The following PHKB variants were observed in gnomAD, a reference collection of about 807,000 sequenced individuals.
PHKB encodes the protein phosphorylase kinase regulatory subunit beta, also known as phosphorylase b kinase regulatory subunit beta.
In PHKB, 122 loss-of-function variants were observed where a neutral mutation model predicts 152.1. The observed-to-expected ratio is 0.80, with a 90% confidence interval of 0.69 to 0.93. The LOEUF (loss-of-function observed/expected upper bound fraction) is 0.93. Among genes scored for constraint, PHKB ranks in the 40% least tolerant of loss-of-function variants. The pLI is 0.00. For synonymous variants in PHKB, 436 were observed against 464.9 expected (o/e 0.94, Z 0.80); for missense variants, 1,304 against 1,328.4 (o/e 0.98, Z 0.29).
chr16:47,481,076 G>A (rs1195650194), intron 1 of PHKB, among the ~76,000 whole-genome samples: 2 of 152,044 alleles, frequency 1.3e-5, no homozygotes, highest in African/African-American at 4.8e-5. Context: ...TGAGATATTT[G>A]GTTCCTCTCC....
Position 47,677,058 on chromosome 16 carries a change from A to G in PHKB, c.2630+7641A>G, listed in dbSNP as rs866037507. On this transcript the variant is annotated intron_variant, in intron 26 of 30. Coordinates refer to ENST00000323584, the MANE Select transcript of PHKB (RefSeq NM_000293.3). ...AAGCTTAGAGAGAGCCATTGTTGTC[A>G]TAGATAGCAGACTATAACATTGCTT... is the stretch of plus-strand genomic sequence containing the variant. Among the ~76,000 whole-genome samples the G allele has an allele frequency of 1.1e-4, 17 of 152,352 alleles. No homozygotes were observed. In the South Asian group the frequency reaches 2.1e-3, roughly 19 times the overall value.
At position 47,596,395 on chromosome 16, in the gene PHKB, C is replaced by A; in HGVS notation, c.1227C>A (p.Tyr409Ter). The A allele has an allele frequency of 6.2e-7, 1 of 1,608,040 alleles. No homozygotes were observed. Among genetic ancestry groups the A allele is most frequent in the Non-Finnish European group, 8.5e-7 (1 of 1,174,568 alleles). ...TAGGATATCCTGTTGTACCAAAGTA[C>A]TATTATGTGCCAGCTGACTTTGTAG... The part of the protein sequence containing the change: ...TTEGYPVVPK[Y>*]YYVPADFVEY... The change falls in exon 13 of 31, where the codon TAC becomes TAA. Residue 409 changes from tyrosine (Y) to a stop codon, truncating the protein, a stop_gained. Transcript: ENST00000323584. LOFTEE classifies it high-confidence loss of function.
chr16:47,684,109 G>A lies in PHKB; in HGVS notation c.2631-4932G>A, dbSNP rs189515739. Among the ~76,000 whole-genome samples, 248 of 151,596 alleles carry A rather than the reference G, an allele frequency of 1.6e-3. 2 individuals carry two copies. Among genetic ancestry groups the A allele is most frequent in the Non-Finnish European group, 2.7e-3 (185 of 67,924 alleles). ...AGCACTTTGAGGGGCCAAGGTGGATGAATCACTTGAGCCCAGGAGTTTGAG... is the reference window on the plus strand; with the variant it reads ...AGCACTTTGAGGGGCCAAGGTGGATAAATCACTTGAGCCCAGGAGTTTGAG... On this transcript the variant is annotated intron_variant, in intron 26 of 30. Transcript: ENST00000323584.
At chr16:47,473,356 T>C (rs890407958) in intron 1 of PHKB, among the ~76,000 whole-genome samples, 48 of 150,772 alleles carry the variant, frequency 3.2e-4, no homozygotes, top group African/African-American at 1.1e-3. Context: ...ATTATAGGCG[T>C]GAGCCACTGC....
chr16:47,602,330 A>G (rs894810431), intron 13 of PHKB, among the ~76,000 whole-genome samples: 2 of 152,212 alleles, frequency 1.3e-5, no homozygotes, highest in Non-Finnish European at 2.9e-5. Context: ...AAATATCCAA[A>G]GTGTTATATA....
chr16:47,538,378 C>G (rs533540632), intron 6 of PHKB, among the ~76,000 whole-genome samples: 1 of 152,206 alleles, frequency 6.6e-6, no homozygotes, highest in African/African-American at 2.4e-5. Flanking sequence ...TGAGGGGACC[C>G]TGATCAATAT....
chr16:47,591,418 G>A (rs1225582168), intron 10 of PHKB, among the ~76,000 whole-genome samples: 2 of 152,194 alleles, frequency 1.3e-5, no homozygotes, highest in African/African-American at 4.8e-5. Context: ...CTGAGTCGGA[G>A]TGGATGCTTT....
At chr16:47,507,376 G>A (rs1478979742) in intron 4 of PHKB, among the ~76,000 whole-genome samples, 1 of 151,910 alleles carries the variant, frequency 6.6e-6, no homozygotes, top group East Asian at 1.9e-4. Flanking sequence ...TTAGCCAATT[G>A]TTAGTGGCCT....
At chr16:47,528,513 G>A (rs1358598058) in intron 6 of PHKB, among the ~76,000 whole-genome samples, 2 of 151,804 alleles carry the variant, frequency 1.3e-5, no homozygotes, top group East Asian at 1.9e-4. Context: ...AAAAGTTGAT[G>A]ATGTTAGTAT....
chr16:47,676,855 C>T (rs1973741108), intron 26 of PHKB, among the ~76,000 whole-genome samples: 1 of 152,242 alleles, frequency 6.6e-6, no homozygotes, highest in South Asian at 2.1e-4. Context: ...CAATCAACTA[C>T]TTTCTGCTGC....
In PHKB at chr16:47,585,975, A is replaced by AT. The variant is rs746858281; in HGVS notation, c.775-1687dup. On this transcript the variant is annotated intron_variant, in intron 8 of 30. Transcript: ENST00000323584. ...GGCCTAAAGATAAATTATAGCTCCT[A>AT]TTTTTTGTGTATTCATAGGCTCCTA... Among the ~76,000 whole-genome samples the AT allele has an allele frequency of 5.9e-5, 9 of 152,224 alleles. No individual in the cohort carries two copies. In the East Asian group the frequency reaches 9.6e-4, roughly 16 times the overall value.
At chr16:47,554,041 C>T (rs1444430441) in intron 7 of PHKB, among the ~76,000 whole-genome samples, 1 of 152,202 alleles carries the variant, frequency 6.6e-6, no homozygotes, top group African/African-American at 2.4e-5. Flanking sequence ...AGGAGGCAGT[C>T]TGACCCTTAG....
intron 3 of PHKB, among the ~76,000 whole-genome samples, 160 bp downstream of exon 3, chr16:47,500,054 C>CT (rs56912954): frequency 0.093 from 13,699 of 147,166 alleles, 1,146 homozygotes; most frequent in African/African-American, 0.23. Context: ...TTTTCATTTT[C>CT]TTTTTTTTTT....
intron 26 of PHKB, among the ~76,000 whole-genome samples, chr16:47,670,080 G>A (rs566209651): frequency 1.3e-5 from 2 of 152,122 alleles, no homozygotes; most frequent in Non-Finnish European, 2.9e-5. Flanking sequence ...CAGTTTGTTT[G>A]TTTTATATGA....
chr16:47,544,948 A>G (rs1971132578), intron 6 of PHKB, among the ~76,000 whole-genome samples: 2 of 152,072 alleles, frequency 1.3e-5, no homozygotes, highest in Non-Finnish European at 2.9e-5. Flanking sequence ...TTTGCTTGGT[A>G]GATCTTCCTC....
At chr16:47,670,692 G>A (rs1973622326) in intron 26 of PHKB, among the ~76,000 whole-genome samples, 1 of 152,052 alleles carries the variant, frequency 6.6e-6, no homozygotes. Context: ...GTTTCACCAT[G>A]TTGGCCAAGC....
chr16:47,621,277 T>C (rs1972612681), intron 14 of PHKB, among the ~76,000 whole-genome samples: 1 of 152,176 alleles, frequency 6.6e-6, no homozygotes, highest in Admixed American at 6.5e-5. Context: ...TAAAAAGGAA[T>C]TATATGGTGG....
intron 13 of PHKB, among the ~76,000 whole-genome samples, chr16:47,607,333 C>T (rs1972343794): frequency 6.6e-6 from 1 of 152,158 alleles, no homozygotes; most frequent in Admixed American, 6.5e-5. Flanking sequence ...ATTTCCTTCT[C>T]ATCACTTCAC....
chr16:47,483,119 A>C (rs1969993467), intron 1 of PHKB, among the ~76,000 whole-genome samples: 1 of 146,600 alleles, frequency 6.8e-6, no homozygotes, highest in African/African-American at 2.5e-5. Flanking sequence ...GCTCACTGCA[A>C]CCTCCACCTC....
Sources: gnomAD v4.1 joint callset for allele counts (sites outside exome capture counted in the v4.1 genomes callset) on GRCh38, gnomAD v4.1.1 for gene constraint, MANE v1.5 for transcripts, NCBI Gene and HGNC (gene_info 2026-07-23, HGNC 2026-07-21) for gene names.